Variants in FNDC1 observed in about 807,000 individuals in gnomAD.
FNDC1 encodes fibronectin type III domain containing 1, also known as fibronectin type III domain-containing protein 1.
FNDC1 carries 96 observed loss-of-function variants against 168.0 expected under a neutral mutation model. The observed-to-expected ratio is 0.57, with a 90% CI of 0.48 to 0.68. The LOEUF is 0.68. FNDC1 is among the 30% of genes least tolerant of loss of function. The pLI is 0.00. For missense variants in FNDC1, 2,587 were observed against 2,482.1 expected (o/e 1.04, Z -0.90); for synonymous variants, 1,099 against 1,025.9 (o/e 1.07, Z -1.36).
At position 159,271,431 on chromosome 6, in the gene FNDC1, G is replaced by A. The variant is rs955226086; in HGVS notation, c.5674G>A (p.Gly1892Arg). Residue 1892 changes from glycine to arginine, a missense_variant, in exon 23 of 23, where the codon GGA (glycine) becomes AGA (arginine). Coordinates refer to ENST00000297267, the MANE Select transcript of FNDC1 (RefSeq NM_032532.3). ...GTACGAGTGTGGGGTCTCCATCCCT[G>A]GAAAGTGGTAATCACAGGACCGTCA... The part of the protein sequence containing the change: ...GWYECGVSIP[G>R]KW 2 of 1,608,200 alleles carry A rather than the reference G, an allele frequency of 1.2e-6. No homozygotes were observed. Among genetic ancestry groups the A allele is most frequent in the South Asian group, 1.1e-5 (1 of 89,578 alleles).
At chr6:159,259,524 C>T (rs926143533) in intron 18 of FNDC1, among the ~76,000 whole-genome samples, 7 of 152,194 alleles carry the variant, frequency 4.6e-5, no homozygotes, top group Non-Finnish European at 4.4e-5. Context: ...CCCTCCTTGA[C>T]GTTGACTACT....
At chr6:159,172,994 C>T (rs1007504998) in intron 1 of FNDC1, among the ~76,000 whole-genome samples, 1 of 152,172 alleles carries the variant, frequency 6.6e-6, no homozygotes, top group Non-Finnish European at 1.5e-5. Flanking sequence ...AGTTACTTTT[C>T]ATATAAATAT....
intron 17 of FNDC1, 146 bp downstream of exon 17, chr6:159,251,678 T>G: frequency 1.4e-6 from 1 of 702,432 alleles, no homozygotes; most frequent in Non-Finnish European, 2.4e-6. Context: ...GATAGATGTC[T>G]TCCTTCAACT....
At chr6:159,175,413 C>T (rs1248084117) in intron 1 of FNDC1, among the ~76,000 whole-genome samples, 1 of 152,170 alleles carries the variant, frequency 6.6e-6, no homozygotes, top group Non-Finnish European at 1.5e-5. Flanking sequence ...TCCCTGCAGA[C>T]ACCCCTGTTC....
chr6:159,211,626 C>G (rs564109675), intron 4 of FNDC1, among the ~76,000 whole-genome samples: 1 of 152,024 alleles, frequency 6.6e-6, no homozygotes, highest in Non-Finnish European at 1.5e-5. Flanking sequence ...GATACATTCA[C>G]GGCTCCCATT....
chr6:159,236,166 C>T, intron 11 of FNDC1, 49 bp from the exon 12 acceptor site: 1 of 1,350,468 alleles, frequency 7.4e-7, no homozygotes, highest in Non-Finnish European at 1.1e-6. Flanking sequence ...ACTTCCCGGG[C>T]ATGTTGAATT....
intron 1 of FNDC1, among the ~76,000 whole-genome samples, chr6:159,191,546 A>T (rs1415092593): frequency 6.6e-6 from 1 of 152,124 alleles, no homozygotes; most frequent in East Asian, 1.9e-4. Flanking sequence ...ATTTTTTGAA[A>T]CCTCAGCTGT....
At chr6:159,179,652 T>C (rs1207619136) in intron 1 of FNDC1, among the ~76,000 whole-genome samples, 1 of 152,196 alleles carries the variant, frequency 6.6e-6, no homozygotes, top group Non-Finnish European at 1.5e-5. Context: ...ATTTCATATA[T>C]TTTACTGGCT....
intron 17 of FNDC1, 73 bp downstream of exon 17, chr6:159,251,605 G>A (rs1777266953): frequency 3.8e-6 from 5 of 1,301,028 alleles, no homozygotes; most frequent in Admixed American, 2.0e-5. Context: ...AATGGTGGAT[G>A]AGTGGATGGG....
chr6:159,169,922 C>T lies in FNDC1; in HGVS notation c.109+217C>T, dbSNP rs1583842624. On this transcript the variant is annotated intron_variant, in intron 1 of 22. Transcript: ENST00000297267. This position sits in a 1 kb window ranked among gnomAD's most constrained non-coding sequence, Gnocchi z 6.8. ...GCAGCGCGCTGGCGTTTAACTTTGC[C>T]GTCGCCCGCCTTGGAGTCGGGAGGC... The T allele has an allele frequency of 4.5e-6, 1 of 223,450 alleles. No individual in the cohort carries two copies. The highest frequency in any genetic ancestry group is 2.3e-5 in the African/African-American group (1 of 43,238). 13.8% of individuals were successfully genotyped at this position (223,450 alleles called of 1,614,324 possible). A position where few individuals can be genotyped will look rare whatever the true frequency, so the allele number is the denominator to read the frequency against.
chr6:159,269,518 C>CCATCTATCCATG (rs1777690224), intron 22 of FNDC1, among the ~76,000 whole-genome samples: 1 of 103,318 alleles, frequency 9.7e-6, no homozygotes, highest in Non-Finnish European at 2.1e-5. Flanking sequence ...ATCCATGCAT[C>CCATCTATCCATG]CATCCATCCA....
At chr6:159,220,168 A>G (rs1324093126) in intron 5 of FNDC1, among the ~76,000 whole-genome samples, 3 of 152,172 alleles carry the variant, frequency 2.0e-5, no homozygotes, top group Non-Finnish European at 4.4e-5. Flanking sequence ...TCTTCCTTTG[A>G]AACCTCTGAT....
At chr6:159,183,367 CT>C (rs533340093) in intron 1 of FNDC1, among the ~76,000 whole-genome samples, 1 of 152,184 alleles carries the variant, frequency 6.6e-6, no homozygotes, top group African/African-American at 2.4e-5. Context: ...CATGATGCAA[CT>C]TTTTTCTGGT....
intron 3 of FNDC1, 117 bp from the exon 4 acceptor site, chr6:159,200,396 C>A: frequency 2.5e-6 from 2 of 811,070 alleles, no homozygotes; most frequent in East Asian, 2.7e-5. Flanking sequence ...ATGGGCTGAG[C>A]AGATCCTTTT....
chr6:159,248,052 T>G (rs1453342441), intron 15 of FNDC1, among the ~76,000 whole-genome samples: 1 of 152,240 alleles, frequency 6.6e-6, no homozygotes, highest in Non-Finnish European at 1.5e-5. Flanking sequence ...TGTTATTTAT[T>G]CATAATAAAG....
In FNDC1 at chr6:159,251,771, C is replaced by T. The variant is rs537845619; in HGVS notation, c.5065+239C>T. Among the ~76,000 whole-genome samples, 12 of 152,296 alleles carry T rather than the reference C, an allele frequency of 7.9e-5. No homozygotes were observed. In the South Asian group the frequency reaches 2.5e-3, roughly 32 times the overall value. On this transcript the variant is annotated intron_variant, in intron 17 of 22. Transcript: ENST00000297267. ...GAAGTCAGAAGTCCTAAATCCGCGT[C>T]CCAGATTGATTTGCATGATCTTGAG...
At chr6:159,259,987 T>G (rs558241226) in intron 18 of FNDC1, among the ~76,000 whole-genome samples, 22 of 152,362 alleles carry the variant, frequency 1.4e-4, no homozygotes, top group African/African-American at 5.0e-4. Context: ...ATAGGCCTAA[T>G]AACCCTTTGC....
chr6:159,178,120 G>C (rs1485001073), intron 1 of FNDC1, among the ~76,000 whole-genome samples: 1 of 152,070 alleles, frequency 6.6e-6, no homozygotes, highest in Non-Finnish European at 1.5e-5. Context: ...TCTCAGCAAA[G>C]ACTACAAAAA....
intron 8 of FNDC1, among the ~76,000 whole-genome samples, 199 bp downstream of exon 8, chr6:159,225,921 C>T (rs115378990): frequency 2.6e-5 from 4 of 152,232 alleles, no homozygotes; most frequent in East Asian, 1.9e-4. Context: ...CATGTTTTAC[C>T]GTTTGTTGGC....
Sources: allele counts gnomAD v4.1 joint callset (sites outside exome capture counted in the v4.1 genomes callset), GRCh38; gene constraint gnomAD v4.1.1; non-coding constraint Gnocchi (gnomAD v3.1); transcripts MANE v1.5; gene names NCBI Gene and HGNC (gene_info 2026-07-23, HGNC 2026-07-21).